EIF4ENIF1: variants seen among roughly 807,000 people sequenced by gnomAD.
The protein encoded by EIF4ENIF1 is eukaryotic translation initiation factor 4E nuclear import factor 1.
A neutral mutation model predicts 110.5 loss-of-function variants in EIF4ENIF1; 23 were observed. The observed-to-expected ratio is 0.21, with a 90% CI of 0.15 to 0.29. The LOEUF (loss-of-function observed/expected upper bound fraction) is 0.29. Among genes scored for constraint, EIF4ENIF1 ranks in the 10% least tolerant of loss-of-function variants. The pLI is 1.00. For missense variants in EIF4ENIF1, 1,031 were observed against 1,221.1 expected, an observed-to-expected ratio of 0.84 and a Z score of 2.32; for synonymous variants, 440 against 437.0, an observed-to-expected ratio of 1.01 and a Z score of -0.09.
chr22:31,455,831 C>T (rs1171573846), intron 8 of EIF4ENIF1, 21 bp downstream of exon 8: 6 of 1,612,916 alleles, frequency 3.7e-6, no homozygotes, highest in Non-Finnish European at 4.2e-6. Flanking sequence ...CCTTCAAGGG[C>T]AGAATCTGAA....
intron 4 of EIF4ENIF1, 126 bp from the exon 5 acceptor site, chr22:31,464,093 G>A (rs1012854459): frequency 1.6e-6 from 2 of 1,270,684 alleles, no homozygotes; most frequent in East Asian, 2.5e-5. Flanking sequence ...CTAAAATTGG[G>A]CTTATCAGCA....
chr22:31,482,370 G>A (rs753395641), intron 2 of EIF4ENIF1, among the ~76,000 whole-genome samples: 4 of 152,088 alleles, frequency 2.6e-5, no homozygotes, highest in Admixed American at 6.6e-5. Context: ...ACAGCATAAC[G>A]TATGTATCCT....
chr22:31,464,379 G>C (rs746632276), intron 4 of EIF4ENIF1, among the ~76,000 whole-genome samples: 2 of 151,912 alleles, frequency 1.3e-5, no homozygotes, highest in Non-Finnish European at 2.9e-5. Context: ...ACAAAGAAAT[G>C]AACTTAAATC....
intron 2 of EIF4ENIF1, among the ~76,000 whole-genome samples, chr22:31,486,367 G>A (rs893641823): frequency 2.0e-5 from 3 of 151,104 alleles, no homozygotes; most frequent in African/African-American, 7.3e-5. Flanking sequence ...GGGAGGCTGA[G>A]GCAGGAGAAT....
rs533192122 is a variant in EIF4ENIF1 at position 31,446,566 on chromosome 22, A to C, written c.1988+860T>G. On this transcript the variant is annotated intron_variant, in intron 14 of 18. Coordinates refer to ENST00000330125, the MANE Select transcript of EIF4ENIF1 (RefSeq NM_019843.4). ...TAAGAATCACATCAAAACATTAAGT[A>C]CCGAGTATTTTAAAGGTAGACTAAA... Among the ~76,000 whole-genome samples, 4 of 152,188 alleles carry C rather than the reference A, an allele frequency of 2.6e-5. No homozygotes were observed. In the South Asian group the frequency reaches 6.2e-4, roughly 24 times the overall value.
chr22:31,470,894 C>T (rs1450296823), intron 3 of EIF4ENIF1, among the ~76,000 whole-genome samples: 2 of 151,342 alleles, frequency 1.3e-5, no homozygotes, highest in Non-Finnish European at 2.9e-5. Flanking sequence ...TGCCTGTAAT[C>T]CCAGCTACTC....
chr22:31,452,099 G>A (rs2050692614), intron 10 of EIF4ENIF1, among the ~76,000 whole-genome samples: 1 of 152,176 alleles, frequency 6.6e-6, no homozygotes, highest in Admixed American at 6.5e-5. Context: ...ATACTTGGAG[G>A]ATAGAATCTA....
intron 10 of EIF4ENIF1, among the ~76,000 whole-genome samples, chr22:31,451,427 CCACGCCCAG>C (rs1328168133): frequency 6.6e-6 from 1 of 151,982 alleles, no homozygotes; most frequent in Non-Finnish European, 1.5e-5. Flanking sequence ...GCACATGCCA[CCACGCCCAG>C]CTAATTTTTT....
At chr22:31,471,788 G>C (rs1569096292) in intron 3 of EIF4ENIF1, 56 bp downstream of exon 3, 1 of 1,406,556 alleles carries the variant, frequency 7.1e-7, no homozygotes, top group East Asian at 2.4e-5. Context: ...TACCAAGTTT[G>C]GTATAACAAA....
chr22:31,485,469 G>GAA (rs2051983848), intron 2 of EIF4ENIF1, among the ~76,000 whole-genome samples: 1 of 152,206 alleles, frequency 6.6e-6, no homozygotes, highest in African/African-American at 2.4e-5. Flanking sequence ...ATCGGTGTGT[G>GAA]AAAGTGATTC....
At chr22:31,479,002 T>G (rs1444840842) in intron 2 of EIF4ENIF1, among the ~76,000 whole-genome samples, 1 of 147,210 alleles carries the variant, frequency 6.8e-6, no homozygotes, top group Non-Finnish European at 1.5e-5. Context: ...ACATAATATA[T>G]CCTGTGTGCC....
intron 2 of EIF4ENIF1, among the ~76,000 whole-genome samples, chr22:31,479,677 T>C (rs1362209099): frequency 4.3e-5 from 6 of 138,254 alleles, no homozygotes; most frequent in Non-Finnish European, 9.3e-5. Context: ...TATTACCCTT[T>C]TGGAAAGGTG....
chr22:31,464,070 AAG>A (rs1326071004), intron 4 of EIF4ENIF1, 103 bp from the exon 5 acceptor site: 7 of 1,437,666 alleles, frequency 4.9e-6, no homozygotes, highest in Non-Finnish European at 5.5e-6. Flanking sequence ...GGATGGTTGG[AAG>A]AGAGTCACCA....
chr22:31,493,192 G>A (rs1266388311), upstream of EIF4ENIF1, among the ~76,000 whole-genome samples: 5 of 151,368 alleles, frequency 3.3e-5, no homozygotes, highest in South Asian at 2.1e-4. Flanking sequence ...CACCACGCCC[G>A]GCTAAATTTT....
intron 4 of EIF4ENIF1, among the ~76,000 whole-genome samples, chr22:31,467,263 G>T (rs966737347): frequency 2.6e-5 from 4 of 152,162 alleles, no homozygotes; most frequent in Non-Finnish European, 5.9e-5. Flanking sequence ...GACAGACTGT[G>T]TAGAAGGGTC....
chr22:31,447,618 C>G, intron 13 of EIF4ENIF1, 53 bp from the exon 14 acceptor site: 1 of 1,534,420 alleles, frequency 6.5e-7, no homozygotes, highest in Non-Finnish European at 8.8e-7. Flanking sequence ...ACCACACTTT[C>G]TACAAAGGTT....
At chr22:31,479,228 G>A (rs936720133) in intron 2 of EIF4ENIF1, among the ~76,000 whole-genome samples, 3 of 151,836 alleles carry the variant, frequency 2.0e-5, no homozygotes, top group South Asian at 2.1e-4. Flanking sequence ...CGCCATGCCC[G>A]GCTAATGTTT....
intron 14 of EIF4ENIF1, among the ~76,000 whole-genome samples, chr22:31,445,862 AGACTGAAAT>A (rs1245638297): frequency 2.6e-5 from 4 of 152,074 alleles, no homozygotes; most frequent in African/African-American, 9.7e-5. Flanking sequence ...CATGAAGGCT[AGACTGAAAT>A]GACTCAAATA....
intron 4 of EIF4ENIF1, among the ~76,000 whole-genome samples, chr22:31,466,421 GA>G (rs1258919554): frequency 4.7e-5 from 4 of 84,214 alleles, no homozygotes; most frequent in South Asian, 8.5e-4. Flanking sequence ...TCGGTGGGGG[GA>G]AAAAAAAATT....
Sources: allele counts gnomAD v4.1 joint callset (sites outside exome capture counted in the v4.1 genomes callset), GRCh38; gene constraint gnomAD v4.1.1; transcripts MANE v1.5; gene names NCBI Gene and HGNC (gene_info 2026-07-23, HGNC 2026-07-21).